The following NAALADL2 variants were observed in gnomAD, a reference collection of about 807,000 sequenced individuals.
NAALADL2 encodes N-acetylated alpha-linked acidic dipeptidase like 2, also known as inactive N-acetylated-alpha-linked acidic dipeptidase-like protein 2.
In NAALADL2, 76 loss-of-function variants were observed where a neutral mutation model predicts 87.2. The observed-to-expected ratio is 0.87, with a 90% CI of 0.72 to 1.05. The LOEUF is 1.05. Ranked by LOEUF, NAALADL2 falls within the 50% of genes least tolerant of loss-of-function variation. The probability of loss-of-function intolerance (pLI) is 0.00; values close to 1 mark genes in which losing one functional copy is unlikely to be tolerated. For synonymous variants in NAALADL2, 354 were observed against 331.0 expected (o/e 1.07, Z -0.75); for missense variants, 1,089 against 945.8 (o/e 1.15, Z -1.99).
rs530076788 is a variant in NAALADL2 at position 174,943,441 on chromosome 3, A to G, written c.43+83991A>G. ...AGTTGCAGACCTGTTCCCTCTCAAT[A>G]CTCTTGAAAGTGAGAGTTCCTCTCC... On this transcript the variant is annotated intron_variant, in intron 1 of 13. Coordinates refer to ENST00000454872, the MANE Select transcript of NAALADL2 (RefSeq NM_207015.3). 8.6e-5 allele frequency among the ~76,000 whole-genome samples: 13 copies of G among 151,884 alleles called. No homozygotes were observed. The South Asian group carries it at 2.5e-3, about 29-fold the overall frequency.
At chr3:174,560,468 T>C (rs1265108661) in intron 2 of NAALADL2, among the ~76,000 whole-genome samples, 1 of 152,202 alleles carries the variant, frequency 6.6e-6, no homozygotes, top group Non-Finnish European at 1.5e-5. Context: ...AGAAAGTTCT[T>C]TGAGGGCAGA....
At chr3:175,398,947 T>C (rs1033075603) in intron 5 of NAALADL2, among the ~76,000 whole-genome samples, 2 of 151,474 alleles carry the variant, frequency 1.3e-5, no homozygotes, top group Non-Finnish European at 2.9e-5. Flanking sequence ...GAAAGTAAAA[T>C]GATGAAAGAA....
intron 1 of NAALADL2, among the ~76,000 whole-genome samples, chr3:174,920,739 A>G (rs1735058488): frequency 6.6e-6 from 1 of 152,160 alleles, no homozygotes; most frequent in African/African-American, 2.4e-5. Flanking sequence ...GTTTTGGCTT[A>G]CCTTGACTTT....
At chr3:175,258,450 A>G (rs1347653507) in intron 4 of NAALADL2, among the ~76,000 whole-genome samples, 1 of 152,122 alleles carries the variant, frequency 6.6e-6, no homozygotes, top group African/African-American at 2.4e-5. Flanking sequence ...GCTAGAATAC[A>G]TCAATAGATA....
At chr3:175,715,520 T>G (rs571560066) in intron 11 of NAALADL2, among the ~76,000 whole-genome samples, 15 of 152,168 alleles carry the variant, frequency 9.9e-5, no homozygotes, top group Non-Finnish European at 2.2e-4. Context: ...ATAATCCTTG[T>G]TACCTGATGA....
intron 2 of NAALADL2, among the ~76,000 whole-genome samples, chr3:175,206,031 A>T (rs1163613250): frequency 6.6e-6 from 1 of 151,854 alleles, no homozygotes; most frequent in Non-Finnish European, 1.5e-5. Context: ...TATGGAAAAC[A>T]GTGTGGAGAT....
intron 9 of NAALADL2, among the ~76,000 whole-genome samples, chr3:175,548,132 C>A (rs1713690538): frequency 6.6e-6 from 1 of 151,968 alleles, no homozygotes; most frequent in Non-Finnish European, 1.5e-5. Flanking sequence ...TTCAACATAG[C>A]AAAGACATGT....
chr3:175,588,426 AG>A (rs1378545337), intron 10 of NAALADL2, among the ~76,000 whole-genome samples: 2 of 113,520 alleles, frequency 1.8e-5, no homozygotes, highest in South Asian at 2.3e-4. Context: ...TATAAAAAGA[AG>A]TAAGAAGTTG....
chr3:175,152,987 TA>T (rs1731768890), intron 2 of NAALADL2, among the ~76,000 whole-genome samples: 2 of 152,156 alleles, frequency 1.3e-5, no homozygotes, highest in Admixed American at 1.3e-4. Context: ...AACTTTATTA[TA>T]AAATAGAAAA....
intron 13 of NAALADL2, among the ~76,000 whole-genome samples, chr3:175,768,549 G>A (rs747976477): frequency 1.1e-4 from 16 of 151,022 alleles, no homozygotes; most frequent in African/African-American, 2.0e-4. Flanking sequence ...AAACAAATTC[G>A]GCCAGGCATT....
chr3:174,617,779 T>A (rs1365032574), intron 2 of NAALADL2, among the ~76,000 whole-genome samples: 2 of 151,804 alleles, frequency 1.3e-5, no homozygotes, highest in Non-Finnish European at 3.0e-5. Flanking sequence ...CCAAGGATAA[T>A]TTATAAACTG....
intron 3 of NAALADL2, among the ~76,000 whole-genome samples, chr3:175,252,504 C>T (rs1749238280): frequency 6.6e-6 from 1 of 152,152 alleles, no homozygotes; most frequent in Non-Finnish European, 1.5e-5. Flanking sequence ...GGGCCTCCCT[C>T]TCCTGGGCCT....
intron 2 of NAALADL2, among the ~76,000 whole-genome samples, chr3:174,707,785 A>C (rs1278422332): frequency 7.9e-5 from 12 of 152,048 alleles, no homozygotes; most frequent in African/African-American, 2.4e-4. Context: ...CCTAGAACTT[A>C]AAGTATAATA....
intron 6 of NAALADL2, among the ~76,000 whole-genome samples, chr3:175,448,558 G>A (rs116147247): frequency 6.6e-6 from 1 of 152,150 alleles, no homozygotes; most frequent in African/African-American, 2.4e-5. Context: ...CTCTGTGCTA[G>A]CTCCATGCCC....
chr3:175,736,226 G>A (rs540465080), intron 11 of NAALADL2, among the ~76,000 whole-genome samples: 13 of 152,296 alleles, frequency 8.5e-5, no homozygotes, highest in African/African-American at 3.1e-4. Context: ...TTGGGGTGGG[G>A]TCATGGGGGA....
chr3:174,992,907 G>A (rs1269707330), intron 1 of NAALADL2, among the ~76,000 whole-genome samples: 1 of 152,072 alleles, frequency 6.6e-6, no homozygotes, highest in Non-Finnish European at 1.5e-5. Context: ...ATGTAGAGAA[G>A]CAGTAAATGA....
chr3:174,709,385 A>G (rs1730410858), intron 2 of NAALADL2, among the ~76,000 whole-genome samples: 1 of 152,124 alleles, frequency 6.6e-6, no homozygotes, highest in Non-Finnish European at 1.5e-5. Flanking sequence ...AGTTTCTCAT[A>G]GAGAGCTTTA....
intron 2 of NAALADL2, among the ~76,000 whole-genome samples, chr3:174,551,848 T>C (rs991675638): frequency 1.1e-4 from 16 of 152,202 alleles, no homozygotes; most frequent in African/African-American, 3.9e-4. Flanking sequence ...CAGTGGAAGA[T>C]ACCTGAAATC....
At chr3:175,161,695 CT>C (rs1252771855) in intron 2 of NAALADL2, among the ~76,000 whole-genome samples, 1 of 128,236 alleles carries the variant, frequency 7.8e-6, no homozygotes, top group Non-Finnish European at 1.6e-5. Flanking sequence ...ATAGCAATTA[CT>C]TTTTTTGGTT....
Sources: allele counts gnomAD v4.1 joint callset (sites outside exome capture counted in the v4.1 genomes callset), GRCh38; gene constraint gnomAD v4.1.1; transcripts MANE v1.5; gene names NCBI Gene and HGNC (gene_info 2026-07-23, HGNC 2026-07-21).